The following JMY variants were observed in gnomAD, a reference collection of about 807,000 sequenced individuals.
The protein encoded by JMY is junction-mediating and -regulatory protein.
A neutral mutation model predicts 103.3 loss-of-function variants in JMY; 46 were observed. The ratio of observed to expected loss-of-function variants is 0.45; its 90% CI spans 0.35 to 0.57. The LOEUF (loss-of-function observed/expected upper bound fraction) is 0.57. JMY is among the 20% of genes least tolerant of loss of function. The pLI is 0.00. For missense variants in JMY, 1,238 were observed against 1,255.2 expected (o/e 0.99, Z 0.21); for synonymous variants, 526 against 489.3 (o/e 1.07, Z -0.99).
At chr5:79,313,165 C>CAG in intron 8 of JMY, among the ~76,000 whole-genome samples, 1 of 152,260 alleles carries the variant, frequency 6.6e-6, no homozygotes, top group South Asian at 2.1e-4. Flanking sequence ...ATGTGGCTCA[C>CAG]GCCTGTAATC....
At chr5:79,268,460 G>C (rs1745646605) in intron 1 of JMY, among the ~76,000 whole-genome samples, 1 of 151,792 alleles carries the variant, frequency 6.6e-6, no homozygotes, top group Non-Finnish European at 1.5e-5. Flanking sequence ...ATGTGATGTT[G>C]AGCATCTTTT....
In JMY at chr5:79,323,026, G is replaced by C. The variant is rs1747510487; in HGVS notation, c.*1424G>C. The stretch of plus-strand genomic sequence containing the variant: ...TAAAGTGTTTTCTTGAAAATAATTA[G>C]GGAGAAAATTTTCTGGCAACAGGTT... On this transcript the variant is annotated 3_prime_UTR_variant, in exon 11 of 11. Coordinates refer to ENST00000396137, the MANE Select transcript of JMY (RefSeq NM_152405.5). 1 of 152,174 alleles carries C rather than the reference G, an allele frequency of 6.6e-6. No individual in the cohort carries two copies. Among genetic ancestry groups the C allele is most frequent in the South Asian group, 2.1e-4 (1 of 4,832 alleles). The allele number at this position is 152,174 out of a possible 1,614,324, so 9.4% of individuals were successfully genotyped here. A position where few individuals can be genotyped will look rare whatever the true frequency, so the allele number is the denominator to read the frequency against.
Position 79,237,483 on chromosome 5 carries a change from C to A in JMY, c.833C>A (p.Thr278Asn). The A allele has an allele frequency of 6.2e-7, 1 of 1,613,732 alleles. No individual in the cohort carries two copies. Among genetic ancestry groups the A allele is most frequent in the Non-Finnish European group, 8.5e-7 (1 of 1,179,926 alleles). The change falls in exon 1 of 11, where the codon ACC (threonine) becomes AAC (asparagine). Residue 278 changes from threonine to asparagine, a missense_variant. Transcript: ENST00000396137. Reference sequence around the variant, plus strand: ...CTGTTTGGGGGCGCCCCCGAGATGACCGAGCAGGAAATCGACACTCTGTGT... The same window carrying A: ...CTGTTTGGGGGCGCCCCCGAGATGAACGAGCAGGAAATCGACACTCTGTGT... The part of the protein sequence containing the change: ...TVLFGGAPEM[T>N]EQEIDTLCYQ...
At chr5:79,297,640 C>T (rs530804559) in intron 4 of JMY, among the ~76,000 whole-genome samples, 3 of 152,314 alleles carry the variant, frequency 2.0e-5, no homozygotes, top group South Asian at 2.1e-4. Context: ...TTCTCCTTTG[C>T]TGATCTCATA....
At chr5:79,291,903 C>G (rs1467110679) in intron 4 of JMY, among the ~76,000 whole-genome samples, 1 of 152,176 alleles carries the variant, frequency 6.6e-6, no homozygotes, top group Non-Finnish European at 1.5e-5. Context: ...TAGAGAAGAA[C>G]AAATCATCAT....
chr5:79,284,761 T>C, intron 2 of JMY: 1 of 1,580,216 alleles, frequency 6.3e-7, no homozygotes, highest in African/African-American at 1.3e-5. Flanking sequence ...TTTGGTTCCT[T>C]GGGTCCTGGT....
intron 1 of JMY, among the ~76,000 whole-genome samples, chr5:79,254,959 T>C (rs1745195183): frequency 6.6e-6 from 1 of 151,904 alleles, no homozygotes; most frequent in Non-Finnish European, 1.5e-5. Flanking sequence ...ATGCCAATTG[T>C]GTTTTTTAGC....
chr5:79,311,986 T>G (rs1461512423), intron 7 of JMY, among the ~76,000 whole-genome samples: 1 of 151,990 alleles, frequency 6.6e-6, no homozygotes, highest in Non-Finnish European at 1.5e-5. Context: ...CCGGCTAATT[T>G]TTGTATTTTG....
intron 2 of JMY, chr5:79,284,875 T>C (rs1746223654): frequency 1.3e-6 from 2 of 1,567,982 alleles, no homozygotes; most frequent in Non-Finnish European, 1.7e-6. Flanking sequence ...CTTGGCCCCC[T>C]TTTTGCTGCC....
At chr5:79,312,088 A>T (rs759561734) in intron 7 of JMY, among the ~76,000 whole-genome samples, 2 of 152,140 alleles carry the variant, frequency 1.3e-5, no homozygotes, top group Non-Finnish European at 1.5e-5. Flanking sequence ...AAGTGCTAGG[A>T]TTATAGGTGT....
chr5:79,288,725 T>G (rs1397110040), intron 2 of JMY, among the ~76,000 whole-genome samples: 3 of 150,660 alleles, frequency 2.0e-5, no homozygotes, highest in Non-Finnish European at 4.4e-5. Context: ...TGTTTTTTTT[T>G]GTTTGTTTGT....
chr5:79,236,514 C>A lies in JMY; in HGVS notation c.-137C>A. ...GGGCGCGGAGGGACAGGCGAACGAG[C>A]CGGGAGAGCCGGCCGGCGCACTAAG... On this transcript the variant is annotated 5_prime_UTR_variant, in exon 1 of 11. Transcript: ENST00000396137. 1.7e-6 allele frequency: 1 copy of A among 594,148 alleles called. No homozygotes were observed. 36.8% of individuals were successfully genotyped at this position (594,148 alleles called of 1,614,324 possible). A position where few individuals can be genotyped will look rare whatever the true frequency, so the allele number is the denominator to read the frequency against.
intron 2 of JMY, among the ~76,000 whole-genome samples, chr5:79,279,242 G>C (rs1394635956): frequency 6.6e-6 from 1 of 152,110 alleles, no homozygotes; most frequent in Admixed American, 6.6e-5. Context: ...GCTGAGGCAG[G>C]AGAATCACTT....
At chr5:79,300,913 C>CT (rs1354349854) in intron 6 of JMY, 50 bp downstream of exon 6, 1 of 1,419,690 alleles carries the variant, frequency 7.0e-7, no homozygotes, top group Non-Finnish European at 9.5e-7. Context: ...TCCGTATCTA[C>CT]TAATCTCATC....
intron 1 of JMY, among the ~76,000 whole-genome samples, chr5:79,245,567 T>C (rs970230628): frequency 6.6e-6 from 1 of 152,134 alleles, no homozygotes; most frequent in African/African-American, 2.4e-5. Context: ...TGGCCTCTTT[T>C]TAAAGGACCC....
intron 1 of JMY, among the ~76,000 whole-genome samples, chr5:79,243,673 A>T (rs1404482012): frequency 1.3e-5 from 2 of 152,226 alleles, no homozygotes; most frequent in Non-Finnish European, 2.9e-5. Flanking sequence ...ACAGTTAAAG[A>T]ATAATGAAAC....
rs763530665 is a variant in JMY, at chr5:79,300,681, A to G, written c.1699A>G (p.Arg567Gly). The change falls in exon 6 of 11, where the codon AGA becomes GGA. Residue 567 changes from arginine (R) to glycine (G), a missense_variant. Coordinates refer to ENST00000396137, the MANE Select transcript of JMY (RefSeq NM_152405.5). ...TTTTTGCTGTTCTGTAACAGAAAAA[A>G]GAGATGAAGTGGTATACTATGACAC... ...ESIKRLISEK[R>G]DEVVYYDTYE... 4 of 1,588,746 alleles carry G rather than the reference A, an allele frequency of 2.5e-6. No individual in the cohort carries two copies. The highest frequency in any genetic ancestry group is 3.4e-6 in the Non-Finnish European group (4 of 1,173,180).
intron 1 of JMY, among the ~76,000 whole-genome samples, chr5:79,241,777 T>G (rs577203677): frequency 6.6e-6 from 1 of 152,344 alleles, no homozygotes; most frequent in Non-Finnish European, 1.5e-5. Flanking sequence ...ATGTTTGAAT[T>G]TGGACTTTTA....
chr5:79,310,522 C>A (rs1054884806), intron 7 of JMY, among the ~76,000 whole-genome samples: 6 of 152,108 alleles, frequency 3.9e-5, no homozygotes, highest in African/African-American at 1.4e-4. Context: ...TAGCTTAGAT[C>A]AAAATAGATC....
Sources: allele counts gnomAD v4.1 joint callset (sites outside exome capture counted in the v4.1 genomes callset), GRCh38; gene constraint gnomAD v4.1.1; transcripts MANE v1.5; gene names NCBI Gene and HGNC (gene_info 2026-07-23, HGNC 2026-07-21).